ZNF365: variants seen among roughly 807,000 people sequenced by gnomAD.
ZNF365 encodes zinc finger protein 365.
A neutral mutation model predicts 35.0 loss-of-function variants in ZNF365; 22 were observed. The ratio of observed to expected loss-of-function variants is 0.63; its 90% CI spans 0.45 to 0.90. The LOEUF (loss-of-function observed/expected upper bound fraction) is 0.90. ZNF365 is among the 40% of genes least tolerant of loss of function. The pLI is 0.00. For missense variants in ZNF365, 448 were observed against 500.3 expected (o/e 0.90, Z 1.00); for synonymous variants, 188 against 196.2 (o/e 0.96, Z 0.35).
chr10:62,409,528 G>T (rs1366451721), intron 3 of ZNF365, among the ~76,000 whole-genome samples: 1 of 152,156 alleles, frequency 6.6e-6, no homozygotes, highest in Non-Finnish European at 1.5e-5. Context: ...TTAAGGGTCT[G>T]TAGTGCATTC....
At chr10:62,396,240 G>C (rs576861995) in intron 3 of ZNF365, among the ~76,000 whole-genome samples, 63 of 152,300 alleles carry the variant, frequency 4.1e-4, no homozygotes, top group African/African-American at 1.4e-3. Context: ...GTTCTTATAT[G>C]TATGTACATG....
chr10:62,434,023 T>C (rs2132458721), intron 3 of ZNF365, among the ~76,000 whole-genome samples: 1 of 152,204 alleles, frequency 6.6e-6, no homozygotes, highest in South Asian at 2.1e-4. Flanking sequence ...TGAAAATGTG[T>C]GTGTTAGTGT....
intron 2 of ZNF365, among the ~76,000 whole-genome samples, chr10:62,378,632 T>C (rs1014678704): frequency 1.3e-5 from 2 of 152,232 alleles, no homozygotes; most frequent in African/African-American, 4.8e-5. Flanking sequence ...GCACATCCTA[T>C]CCTGTCCTTC....
Position 62,411,839 on chromosome 10 carries a change from A to G in ZNF365, c.924+23263A>G, listed in dbSNP as rs556970497. Among the ~76,000 whole-genome samples the G allele has an allele frequency of 9.1e-4, 139 of 152,222 alleles. 1 individual carries two copies. Among genetic ancestry groups the G allele is most frequent in the African/African-American group, 3.0e-3 (125 of 41,522 alleles). ...GTACCAGAATCTCTGGGATGCAGCTAAAGTAGTGTTAAGAGGTAAATTTAT... is the reference window on the plus strand; with the variant it reads ...GTACCAGAATCTCTGGGATGCAGCTGAAGTAGTGTTAAGAGGTAAATTTAT... On this transcript the variant is annotated intron_variant, in intron 3 of 4. Transcript: ENST00000395255.
At chr10:62,452,470 T>C (rs1186964153) in intron 3 of ZNF365, among the ~76,000 whole-genome samples, 1 of 152,250 alleles carries the variant, frequency 6.6e-6, no homozygotes, top group Non-Finnish European at 1.5e-5. Context: ...GTTGAAAGAA[T>C]CTTGAAGAGA....
At chr10:62,391,219 T>A (rs1204839560) in intron 3 of ZNF365, among the ~76,000 whole-genome samples, 1 of 152,176 alleles carries the variant, frequency 6.6e-6, no homozygotes, top group Non-Finnish European at 1.5e-5. Context: ...CTTTTTTAAG[T>A]TTTTTAAATT....
At chr10:62,449,846 G>A (rs1300223952) in intron 3 of ZNF365, among the ~76,000 whole-genome samples, 4 of 142,382 alleles carry the variant, frequency 2.8e-5, no homozygotes, top group Non-Finnish European at 6.0e-5. Context: ...CATTTGAACT[G>A]TACTGTACAT....
intron 3 of ZNF365, among the ~76,000 whole-genome samples, chr10:62,420,535 C>T (rs1840150233): frequency 6.6e-6 from 1 of 152,070 alleles, no homozygotes; most frequent in South Asian, 2.1e-4. Flanking sequence ...TTGTAATTGG[C>T]CCATATAACT....
intron 2 of ZNF365, among the ~76,000 whole-genome samples, chr10:62,386,167 G>T (rs3781215): frequency 0.56 from 85,456 of 151,946 alleles, 25,546 homozygotes; most frequent in East Asian, 0.78. Flanking sequence ...ATTCACATGG[G>T]CCCGCCACTC....
At chr10:62,397,422 C>G (rs1391707647) in intron 3 of ZNF365, among the ~76,000 whole-genome samples, 1 of 152,156 alleles carries the variant, frequency 6.6e-6, no homozygotes, top group Non-Finnish European at 1.5e-5. Context: ...ACCAAGGTGG[C>G]CTTTTCTCCA....
Position 62,388,674 on chromosome 10 carries a change from T to C in ZNF365, c.924+98T>C, listed in dbSNP as rs1589430321. 6 of 1,375,306 alleles carry C rather than the reference T, an allele frequency of 4.4e-6. 1 individual carries two copies. In the Admixed American group the frequency reaches 1.4e-4, roughly 32 times the overall value. 85.2% of individuals were successfully genotyped at this position (1,375,306 alleles called of 1,614,324 possible). On this transcript the variant is annotated intron_variant, in intron 3 of 4. Coordinates refer to ENST00000395254, the MANE Select transcript of ZNF365 (RefSeq NM_014951.3). ...AGGGAGCTGGGTGACTTGCAGGGAC[T>C]CTCTAGACATCATTTGAGAGCACTG...
At chr10:62,479,713 G>A (rs931630342) in intron 4 of ZNF365, among the ~76,000 whole-genome samples, 10 of 152,112 alleles carry the variant, frequency 6.6e-5, no homozygotes, top group African/African-American at 2.4e-4. Context: ...TGTAGAAGAC[G>A]CTCCTCGTGT....
intron 3 of ZNF365, among the ~76,000 whole-genome samples, chr10:62,426,305 C>A (rs1840249425): frequency 6.6e-6 from 1 of 152,136 alleles, no homozygotes; most frequent in Non-Finnish European, 1.5e-5. Context: ...TGAATCATAG[C>A]TCTGCACCTG....
At chr10:62,374,957 A>AT (rs1263545025) in intron 1 of ZNF365, among the ~76,000 whole-genome samples, 2 of 152,132 alleles carry the variant, frequency 1.3e-5, no homozygotes, top group Admixed American at 1.3e-4. Flanking sequence ...CGGTGTACCC[A>AT]TCACAGGAAG....
chr10:62,428,599 G>C (rs1176345647), intron 3 of ZNF365, among the ~76,000 whole-genome samples: 1 of 152,178 alleles, frequency 6.6e-6, no homozygotes, highest in East Asian at 1.9e-4. Context: ...AAATTAACCA[G>C]TCTTGGGCAG....
rs79541412 is a variant in ZNF365 at position 62,408,016 on chromosome 10, A to G, written c.924+19440A>G. On this transcript the variant is annotated intron_variant, in intron 3 of 4. Coordinates refer to the ZNF365 transcript ENST00000395255. ...GTTACAGCAGCCATAGAAAATGAGTATACCAGCTAGTCAGCATACAAATCA... is the reference window on the plus strand; with the variant it reads ...GTTACAGCAGCCATAGAAAATGAGTGTACCAGCTAGTCAGCATACAAATCA... Among the ~76,000 whole-genome samples the G allele has an allele frequency of 2.0e-3, 310 of 152,338 alleles. 1 individual carries two copies. Among genetic ancestry groups the G allele is most frequent in the African/African-American group, 6.5e-3 (271 of 41,552 alleles).
At chr10:62,398,615 C>T in intron 3 of ZNF365, 125 bp from the exon 4 acceptor site, 1 of 786,404 alleles carries the variant, frequency 1.3e-6, no homozygotes. Context: ...GCAGGTCGTG[C>T]TACCAGTAGC....
chr10:62,399,963 A>C lies in ZNF365; in HGVS notation c.*174A>C, dbSNP rs900587032. On this transcript the variant is annotated 3_prime_UTR_variant, in exon 5 of 5. Transcript: ENST00000395254. ...AGCTTAGCAAATGGGAATCTTAGTG[A>C]ACCAGAATTTTATTATAACCCCCTT... 4 of 1,359,742 alleles carry C rather than the reference A, an allele frequency of 2.9e-6. No individual in the cohort carries two copies. Among genetic ancestry groups the C allele is most frequent in the South Asian group, 2.2e-5 (1 of 45,432 alleles). 84.2% of individuals were successfully genotyped at this position (1,359,742 alleles called of 1,614,324 possible).
chr10:62,472,202 G>A (rs2132491410), intron 4 of ZNF365, among the ~76,000 whole-genome samples: 1 of 152,284 alleles, frequency 6.6e-6, no homozygotes, highest in Non-Finnish European at 1.5e-5. Context: ...AAATGTCAAG[G>A]GGTTGCTTAT....
Sources: allele counts gnomAD v4.1 joint callset (sites outside exome capture counted in the v4.1 genomes callset), GRCh38; gene constraint gnomAD v4.1.1; transcripts MANE v1.5; gene names NCBI Gene and HGNC (gene_info 2026-07-23, HGNC 2026-07-21).